The following ALDH16A1 variants were observed in gnomAD, a reference collection of about 807,000 sequenced individuals.
The protein encoded by ALDH16A1 is aldehyde dehydrogenase 16 family member A1.
In ALDH16A1, 88 loss-of-function variants were observed where a neutral mutation model predicts 96.1. That is an observed-to-expected ratio of 0.92 (90% confidence interval 0.77 to 1.09). The LOEUF (loss-of-function observed/expected upper bound fraction) is 1.09, where lower values mean the gene tolerates loss of function less well. Ranked by LOEUF, ALDH16A1 falls within the 50% of genes least tolerant of loss-of-function variation. The probability of loss-of-function intolerance (pLI) is 0.00; values close to 1 mark genes in which losing one functional copy is unlikely to be tolerated. For missense variants in ALDH16A1, 1,250 were observed against 1,112.6 expected, an observed-to-expected ratio of 1.12 and a Z score of -1.76; for synonymous variants, 522 against 496.4, an observed-to-expected ratio of 1.05 and a Z score of -0.69.
At position 49,464,115 on chromosome 19, in the gene ALDH16A1, C is replaced by T; in HGVS notation, c.1195-12C>T. On this transcript the variant is annotated splice_polypyrimidine_tract_variant and intron_variant, in intron 9 of 16. Transcript: ENST00000293350. The stretch of plus-strand genomic sequence containing the variant: ...GCCCTGGAGGGCTGAGCCTCCCGGT[C>T]ACCCCTTGCAGGTGCCGTGGCCTGT... The T allele has an allele frequency of 6.2e-7, 1 of 1,603,730 alleles. No homozygotes were observed. The highest frequency in any genetic ancestry group is 8.5e-7 in the Non-Finnish European group (1 of 1,176,138).
rs138585582 is a variant in ALDH16A1, at chr19:49,468,159, C to CAA, written c.1939-208_1939-207dup. The CAA allele has an allele frequency of 0.027, 11,172 of 407,640 alleles. 13 individuals carry two copies. Among genetic ancestry groups the CAA allele is most frequent in the Middle Eastern group, 0.05 (72 of 1,428 alleles). The allele number at this position is 407,640 out of a possible 1,614,324, so 25.3% of individuals were successfully genotyped here. A position where few individuals can be genotyped will look rare whatever the true frequency, so the allele number is the denominator to read the frequency against. On this transcript the variant is annotated intron_variant, in intron 14 of 16. Transcript: ENST00000293350. This position sits in a 1 kb window ranked among gnomAD's most constrained non-coding sequence, Gnocchi z 4.4. ...AGGGCGACAGAGTGAGAGTCCGTCT[C>CAA]AAAAAAAAAAAAAAAGAAAGGCGGT...
chr19:49,469,124 C>T (rs943114378), intron 16 of ALDH16A1, 138 bp downstream of exon 16: 1 of 1,310,204 alleles, frequency 7.6e-7, no homozygotes, highest in African/African-American at 1.5e-5. Flanking sequence ...TTTTGAGGCC[C>T]CGCCCTTAGG....
At position 49,459,944 on chromosome 19, in the gene ALDH16A1, C is replaced by G. The variant is rs2079129033; in HGVS notation, c.499+96C>G. ...TTTTTCTTTTAGACAGAGTTTCGCT[C>G]TTGTCGCCCAGGCCGGAGTGCAGTG... On this transcript the variant is annotated intron_variant, in intron 4 of 16. Transcript: ENST00000293350. The surrounding 1 kb of genome is among the most constrained non-coding windows in gnomAD (Gnocchi z 4.1). 1.4e-6 allele frequency: 2 copies of G among 1,418,458 alleles called. No homozygotes were observed. The highest frequency in any genetic ancestry group is 1.9e-6 in the Non-Finnish European group (2 of 1,065,092). 87.9% of individuals were successfully genotyped at this position (1,418,458 alleles called of 1,614,324 possible).
chr19:49,468,896 C>T lies in ALDH16A1; in HGVS notation c.2157C>T (p.Ala719=). The T allele has an allele frequency of 1.2e-6, 2 of 1,614,022 alleles. No homozygotes were observed. The highest frequency in any genetic ancestry group is 1.1e-5 in the South Asian group (1 of 91,080). Residue 719 remains alanine, a synonymous_variant, in exon 16 of 17, where the codon GCC becomes GCT. Transcript: ENST00000293350. The surrounding 1 kb of genome is among the most constrained non-coding windows in gnomAD (Gnocchi z 4.4). ...DMATVFPAGL[A]NVVTGDRDHL... ...CCACCGTGTTCCCAGCAGGCCTGGC[C>T]AACGTGGTGACAGGAGACCGGGACC...
At chr19:49,463,788 T>C in intron 8 of ALDH16A1, 66 bp from the exon 9 acceptor site, 1 of 1,452,236 alleles carries the variant, frequency 6.9e-7, no homozygotes, top group East Asian at 2.4e-5. Flanking sequence ...GGGGCTGGGG[T>C]CCTGCAGTCC....
Position 49,464,446 on chromosome 19 carries a change from C to A in ALDH16A1, c.1361C>A (p.Ala454Asp). 1 of 1,609,002 alleles carries A rather than the reference C, an allele frequency of 6.2e-7. No homozygotes were observed. The highest frequency in any genetic ancestry group is 1.3e-5 in the African/African-American group (1 of 75,028). The stretch of plus-strand genomic sequence containing the variant: ...CAGGTGGGCACTGTCTGGATCAACG[C>A]CCACGGCCTCAGAGACCCTTCGGTG... ...GLQVGTVWINAHGLRDPSVPT... is the reference protein window; with the variant it reads ...GLQVGTVWINDHGLRDPSVPT... The change falls in exon 11 of 17, where the codon GCC becomes GAC. Residue 454 changes from alanine to aspartate, a missense_variant. Ala to Asp is a moderately radical substitution (Grantham distance 126). Coordinates refer to ENST00000293350, the MANE Select transcript of ALDH16A1 (RefSeq NM_153329.4).
chr19:49,469,308 G>C, intron 16 of ALDH16A1: 1 of 192,048 alleles, frequency 5.2e-6, no homozygotes, highest in Non-Finnish European at 1.1e-5. Flanking sequence ...CTGTCACCCA[G>C]ATGCAATCAT....
At chr19:49,454,042 T>TTTTTTTTTTA (rs2079090877) in intron 1 of ALDH16A1, among the ~76,000 whole-genome samples, 3 of 150,190 alleles carry the variant, frequency 2.0e-5, no homozygotes, top group Admixed American at 6.6e-5. Flanking sequence ...TTTTTTTTTT[T>TTTTTTTTTTA]GAGCCAGGGT....
In ALDH16A1 at chr19:49,470,715, C is replaced by G; in HGVS notation, c.*248C>G. The stretch of plus-strand genomic sequence containing the variant: ...CCAGGCTGGAGCGCAGTGGCACAAT[C>G]TCGGCCCACTGCAGCCTCGACCTCT... On this transcript the variant is annotated 3_prime_UTR_variant, in exon 17 of 17. Coordinates refer to ENST00000293350, the MANE Select transcript of ALDH16A1 (RefSeq NM_153329.4). 5.6e-6 allele frequency: 2 copies of G among 358,158 alleles called. No homozygotes were observed. Among genetic ancestry groups the G allele is most frequent in the Non-Finnish European group, 9.8e-6 (2 of 203,858 alleles). 22.2% of individuals were successfully genotyped at this position (358,158 alleles called of 1,614,324 possible).
At position 49,470,649 on chromosome 19, in the gene ALDH16A1, T is replaced by TTTTC; in HGVS notation, c.*185_*186insCTTT. 8.1e-6 allele frequency: 1 copy of TTTTC among 123,970 alleles called. No individual in the cohort carries two copies. The highest frequency in any genetic ancestry group is 1.3e-5 in the Non-Finnish European group (1 of 75,968). 7.7% of individuals were successfully genotyped at this position (123,970 alleles called of 1,614,324 possible). On this transcript the variant is annotated 3_prime_UTR_variant, in exon 17 of 17. Coordinates refer to ENST00000293350, the MANE Select transcript of ALDH16A1 (RefSeq NM_153329.4). ...TTCTGGCAGATATGAGGCTTTTTTC[T>TTTTC]TTTTTTTTTTTTTTTTTGAGACAAC...
At position 49,459,435 on chromosome 19, in the gene ALDH16A1, C is replaced by A. The variant is rs2079124745; in HGVS notation, c.321-235C>A. The stretch of plus-strand genomic sequence containing the variant: ...GCAATTGAGGTTAGAAGCTAAGACT[C>A]AATTTCCCAAAAGCTTCAGGGATTT... On this transcript the variant is annotated intron_variant, in intron 3 of 16. Transcript: ENST00000293350. The surrounding 1 kb of genome is among the most constrained non-coding windows in gnomAD (Gnocchi z 4.1). Among the ~76,000 whole-genome samples the A allele has an allele frequency of 1.3e-5, 2 of 152,294 alleles. No homozygotes were observed. The highest frequency in any genetic ancestry group is 4.1e-4 in the South Asian group (2 of 4,828).
intron 12 of ALDH16A1, among the ~76,000 whole-genome samples, chr19:49,465,262 G>A (rs551776695): frequency 6.6e-6 from 1 of 151,038 alleles, no homozygotes; most frequent in East Asian, 2.0e-4. Context: ...AGAAGCTTTG[G>A]GTCCTCCGGG....
In ALDH16A1 at chr19:49,468,685, C is replaced by T. The variant is rs2079220282; in HGVS notation, c.2124+119C>T. On this transcript the variant is annotated intron_variant, in intron 15 of 16. Transcript: ENST00000293350. The surrounding 1 kb of genome is among the most constrained non-coding windows in gnomAD (Gnocchi z 4.4). Reference sequence around the variant, plus strand: ...ACCCTCCGTGGTACCCATGCTGCCCCCAGCCCCAGCACCCAAACCTTCACT... The same window carrying T: ...ACCCTCCGTGGTACCCATGCTGCCCTCAGCCCCAGCACCCAAACCTTCACT... 4 of 1,404,016 alleles carry T rather than the reference C, an allele frequency of 2.8e-6. No homozygotes were observed. The East Asian group carries it at 9.4e-5, about 33-fold the overall frequency. The allele number at this position is 1,404,016 out of a possible 1,614,324, so 87.0% of individuals were successfully genotyped here.
intron 8 of ALDH16A1, 65 bp downstream of exon 8, chr19:49,462,820 G>A (rs2079162636): frequency 2.1e-6 from 3 of 1,445,576 alleles, no homozygotes; most frequent in Non-Finnish European, 2.8e-6. Context: ...CAGCTCCTGG[G>A]TCCAAGGGAG....
At chr19:49,458,792 T>C (rs1205055637) in intron 2 of ALDH16A1, among the ~76,000 whole-genome samples, 168 bp from the exon 3 acceptor site, 1 of 152,168 alleles carries the variant, frequency 6.6e-6, no homozygotes, top group Non-Finnish European at 1.5e-5. Flanking sequence ...GAGACTGCTG[T>C]CTGTTAAAAT....
At chr19:49,456,656 C>T (rs1327137730) in intron 1 of ALDH16A1, among the ~76,000 whole-genome samples, 2 of 152,196 alleles carry the variant, frequency 1.3e-5, no homozygotes, top group Non-Finnish European at 2.9e-5. Context: ...TGGGAAAGTG[C>T]AGGGATTACA....
In ALDH16A1 at chr19:49,453,390, G is replaced by A. The variant is rs146400216; in HGVS notation, c.59G>A (p.Gly20Glu). 4 of 1,562,832 alleles carry A rather than the reference G, an allele frequency of 2.6e-6. No homozygotes were observed. The highest frequency in any genetic ancestry group is 2.4e-5 in the East Asian group (1 of 42,298). Residue 20 changes from glycine (G) to glutamate (E), a missense_variant, in exon 1 of 17, where the codon GGA becomes GAA. Physicochemically the swap from Gly to Glu is moderately conservative, Grantham distance 98 (BLOSUM62 -2). Coordinates refer to ENST00000293350, the MANE Select transcript of ALDH16A1 (RefSeq NM_153329.4). Reference sequence around the variant, plus strand: ...GAGATCTTCACCTCGCTGGAGTACGGACCGGTGCCGGAGAGCCACGCATGC... The same window carrying A: ...GAGATCTTCACCTCGCTGGAGTACGAACCGGTGCCGGAGAGCCACGCATGC... ...AREIFTSLEYGPVPESHACAL... is the reference protein window; with the variant it reads ...AREIFTSLEYEPVPESHACAL...
chr19:49,453,872 C>A (rs568199402), intron 1 of ALDH16A1, among the ~76,000 whole-genome samples: 101 of 152,132 alleles, frequency 6.6e-4, no homozygotes, highest in South Asian at 1.7e-3. Flanking sequence ...TGAGGGACTC[C>A]CTTCATCCCT....
chr19:49,457,462 G>A (rs1363943470), intron 1 of ALDH16A1, among the ~76,000 whole-genome samples: 4 of 149,696 alleles, frequency 2.7e-5, no homozygotes, highest in Admixed American at 2.7e-4. Context: ...GCAGGAGAAT[G>A]GCGTGAATCC....
Sources: allele counts gnomAD v4.1 joint callset (sites outside exome capture counted in the v4.1 genomes callset), GRCh38; gene constraint gnomAD v4.1.1; non-coding constraint Gnocchi (gnomAD v3.1); transcripts MANE v1.5; gene names NCBI Gene and HGNC (gene_info 2026-07-23, HGNC 2026-07-21).